ENTHD1: variants seen among roughly 807,000 people sequenced by gnomAD.
The protein encoded by ENTHD1 is ENTH domain containing 1, also known as ENTH domain-containing protein 1.
In ENTHD1, 23 loss-of-function variants were observed where a neutral mutation model predicts 39.1. The ratio of observed to expected loss-of-function variants is 0.59; its 90% CI spans 0.42 to 0.83. The LOEUF (loss-of-function observed/expected upper bound fraction) is 0.83, where lower values mean the gene tolerates loss of function less well. Among genes scored for constraint, ENTHD1 ranks in the 40% least tolerant of loss-of-function variants. The pLI is 0.00. For synonymous variants in ENTHD1, 230 were observed against 258.2 expected, an observed-to-expected ratio of 0.89 and a Z score of 1.05; for missense variants, 624 against 705.4, an observed-to-expected ratio of 0.88 and a Z score of 1.31.
Position 39,766,019 on chromosome 22 carries a change from C to CAAAAAAAAAAAAAAAAAAAAAAA in ENTHD1, c.833-433_833-411dup, listed in dbSNP as rs11367784. On this transcript the variant is annotated intron_variant, in intron 5 of 6. Coordinates refer to ENST00000325157, the MANE Select transcript of ENTHD1 (RefSeq NM_152512.4). ...TCTATCCTTACAGAACCCTCAGCTA[C>CAAAAAAAAAAAAAAAAAAAAAAA]AAAAAAAAAAAAAAAAAAAAAAAAA... 1.6e-3 allele frequency among the ~76,000 whole-genome samples: 79 copies of CAAAAAAAAAAAAAAAAAAAAAAA among 48,362 alleles called. 2 individuals are homozygous for CAAAAAAAAAAAAAAAAAAAAAAA. Among genetic ancestry groups the CAAAAAAAAAAAAAAAAAAAAAAA allele is most frequent in the Non-Finnish European group, 2.2e-3 (59 of 26,934 alleles). 31.7% of individuals were successfully genotyped at this position (48,362 alleles called of 152,430 possible). A position where few individuals can be genotyped will look rare whatever the true frequency, so the allele number is the denominator to read the frequency against.
chr22:39,794,346 A>G (rs2065529571), intron 5 of ENTHD1, among the ~76,000 whole-genome samples: 1 of 152,180 alleles, frequency 6.6e-6, no homozygotes, highest in East Asian at 1.9e-4. Flanking sequence ...CAGATCTAAG[A>G]GTTTTTTTGG....
intron 5 of ENTHD1, 37 bp from the exon 6 acceptor site, chr22:39,765,646 A>G (rs1385068792): frequency 4.6e-6 from 7 of 1,521,648 alleles, no homozygotes. Context: ...ATCAAAAAAT[A>G]AAACTGAAAA....
chr22:39,823,892 G>C (rs2065803071), intron 4 of ENTHD1, among the ~76,000 whole-genome samples: 1 of 152,056 alleles, frequency 6.6e-6, no homozygotes, highest in Non-Finnish European at 1.5e-5. Context: ...ACATTTTCCT[G>C]AAGGCTAATA....
intron 3 of ENTHD1, among the ~76,000 whole-genome samples, chr22:39,856,306 C>CTCAATTTCTTATTTTTTCCCACCCCAACT (rs2066086882): frequency 6.6e-6 from 1 of 151,610 alleles, no homozygotes; most frequent in Non-Finnish European, 1.5e-5. Flanking sequence ...AGAATGTCCC[C>CTCAATTTCTTATTTTTTCCCACCCCAACT]TCAATTTCTT....
chr22:39,834,525 C>A (rs2146674569), intron 4 of ENTHD1, among the ~76,000 whole-genome samples: 1 of 152,188 alleles, frequency 6.6e-6, no homozygotes, highest in Admixed American at 6.5e-5. Context: ...ATCTTTTATG[C>A]ATTGCTCATG....
chr22:39,853,722 T>G (rs539478779), intron 3 of ENTHD1, among the ~76,000 whole-genome samples: 1 of 152,184 alleles, frequency 6.6e-6, no homozygotes, highest in African/African-American at 2.4e-5. Context: ...TATAGGCAAC[T>G]GCCATCATGC....
chr22:39,875,921 G>T, intron 2 of ENTHD1: 1 of 1,613,964 alleles, frequency 6.2e-7, no homozygotes. Context: ...ACCTGAATGG[G>T]TTATCCTGAT....
At chr22:39,801,694 T>C (rs1357773361) in intron 5 of ENTHD1, among the ~76,000 whole-genome samples, 3 of 152,216 alleles carry the variant, frequency 2.0e-5, no homozygotes, top group Non-Finnish European at 4.4e-5. Flanking sequence ...AGCTGTAACT[T>C]AAACATGTTG....
intron 6 of ENTHD1, among the ~76,000 whole-genome samples, chr22:39,749,611 C>T (rs1397661949): frequency 6.6e-6 from 1 of 152,236 alleles, no homozygotes; most frequent in Non-Finnish European, 1.5e-5. Context: ...AAATAGTTCA[C>T]TGTAAAACAG....
intron 5 of ENTHD1, among the ~76,000 whole-genome samples, chr22:39,816,753 C>T (rs780839503): frequency 6.6e-6 from 1 of 151,848 alleles, no homozygotes; most frequent in African/African-American, 2.4e-5. Context: ...AACACAAAAA[C>T]TAAAAGCCAT....
chr22:39,845,468 C>T (rs147963452), intron 3 of ENTHD1, among the ~76,000 whole-genome samples: 2 of 152,192 alleles, frequency 1.3e-5, no homozygotes, highest in Non-Finnish European at 2.9e-5. Context: ...TAAACAAACA[C>T]ATTCCGGTAG....
chr22:39,790,247 C>A (rs1264169771), intron 5 of ENTHD1, among the ~76,000 whole-genome samples: 1 of 152,090 alleles, frequency 6.6e-6, no homozygotes, highest in Non-Finnish European at 1.5e-5. Flanking sequence ...AAGAGGGCTC[C>A]ATGGAGCACA....
At position 39,867,285 on chromosome 22, in the gene ENTHD1, A is replaced by T. The variant is rs2066191488; in HGVS notation, c.350-5278T>A. The stretch of plus-strand genomic sequence containing the variant: ...AAATTCAAAGATCTTTGGCATTGAG[A>T]TGCACCACTAGGAAAAATATGTATC... On this transcript the variant is annotated intron_variant, in intron 2 of 6. Transcript: ENST00000325157. The surrounding 1 kb of genome is among the most constrained non-coding windows in gnomAD (Gnocchi z 4.5). 6.6e-6 allele frequency among the ~76,000 whole-genome samples: 1 copy of T among 152,174 alleles called. No homozygotes were observed. Among genetic ancestry groups the T allele is most frequent in the South Asian group, 2.1e-4 (1 of 4,816 alleles).
chr22:39,778,805 T>G (rs2065385549), intron 5 of ENTHD1, among the ~76,000 whole-genome samples: 1 of 152,190 alleles, frequency 6.6e-6, no homozygotes. Flanking sequence ...CTTGCTTTTT[T>G]TATTCCCATG....
chr22:39,803,016 C>T (rs2065611055), intron 5 of ENTHD1, among the ~76,000 whole-genome samples: 1 of 152,116 alleles, frequency 6.6e-6, no homozygotes, highest in Non-Finnish European at 1.5e-5. Flanking sequence ...GCACTTCCTC[C>T]CCTATCTCCA....
intron 3 of ENTHD1, among the ~76,000 whole-genome samples, chr22:39,857,084 T>G (rs1332816970): frequency 5.9e-5 from 9 of 152,036 alleles, no homozygotes; most frequent in South Asian, 2.1e-4. Flanking sequence ...GTCAAGTCAT[T>G]CATAGCTCAG....
intron 3 of ENTHD1, among the ~76,000 whole-genome samples, chr22:39,851,610 C>A (rs2066040559): frequency 6.6e-6 from 1 of 152,168 alleles, no homozygotes. Context: ...TCAATTCAGT[C>A]CCCTTGAGGG....
intron 5 of ENTHD1, among the ~76,000 whole-genome samples, chr22:39,772,894 A>G (rs371595100): frequency 7.2e-5 from 11 of 152,138 alleles, no homozygotes; most frequent in Admixed American, 1.3e-4. Context: ...GGGATATTTC[A>G]TAATGACAAA....
chr22:39,770,691 G>A (rs1172290466), intron 5 of ENTHD1, among the ~76,000 whole-genome samples: 2 of 152,180 alleles, frequency 1.3e-5, no homozygotes, highest in South Asian at 4.1e-4. Context: ...TTCCCAATAA[G>A]TGAATGAACA....
Sources: allele counts gnomAD v4.1 joint callset (sites outside exome capture counted in the v4.1 genomes callset), GRCh38; gene constraint gnomAD v4.1.1; non-coding constraint Gnocchi (gnomAD v3.1); transcripts MANE v1.5; gene names NCBI Gene and HGNC (gene_info 2026-07-23, HGNC 2026-07-21).